Variants in ZSWIM5 observed in about 807,000 individuals in gnomAD.
The protein encoded by ZSWIM5 is zinc finger SWIM domain-containing protein 5.
ZSWIM5 carries 55 observed loss-of-function variants against 119.6 expected under a neutral mutation model. That is an observed-to-expected ratio of 0.46 (90% confidence interval 0.37 to 0.58). ZSWIM5 has a LOEUF of 0.58. ZSWIM5 is among the 20% of genes least tolerant of loss of function. ZSWIM5 has a pLI of 0.00. For missense variants in ZSWIM5, 1,193 were observed against 1,512.8 expected, an observed-to-expected ratio of 0.79 and a Z score of 3.51; for synonymous variants, 537 against 606.9, an observed-to-expected ratio of 0.88 and a Z score of 1.69.
chr1:45,121,282 A>T (rs1332761533), intron 1 of ZSWIM5, among the ~76,000 whole-genome samples: 1 of 151,748 alleles, frequency 6.6e-6, no homozygotes, highest in African/African-American at 2.4e-5. Context: ...TCTTTGGATT[A>T]TTTTTTCTCA....
At chr1:45,125,227 TAC>T (rs1645613637) in intron 1 of ZSWIM5, among the ~76,000 whole-genome samples, 1 of 152,144 alleles carries the variant, frequency 6.6e-6, no homozygotes, top group Admixed American at 6.5e-5. Context: ...ATGAAAATAA[TAC>T]AGAGTGTGTT....
rs758812657 is a variant in ZSWIM5 at position 45,087,887 on chromosome 1, C to T, written c.946G>A (p.Val316Met). The change falls in exon 2 of 14, where the codon GTG becomes ATG. Residue 316 changes from valine (V) to methionine (M), a missense_variant. Val to Met is a conservative substitution (Grantham distance 21). This residue lies in a region of ZSWIM5 where 961 missense variants were observed against 1,290.0 expected (regional missense o/e 0.74). Transcript: ENST00000359600. ...AAAAAAGTTGTACAATTACCATTCA[C>T]TTGGTTGATTTCTGAGTTGGAGGAT... ...ILSSNSEINQ[V>M]NGAPDPTAGA... 3.8e-6 allele frequency: 6 copies of T among 1,599,810 alleles called. No individual in the cohort carries two copies. The highest frequency in any genetic ancestry group is 5.1e-6 in the Non-Finnish European group (6 of 1,172,580).
At chr1:45,034,593 A>T (rs1383214131) in intron 10 of ZSWIM5, 124 bp from the exon 11 acceptor site, 19 of 1,205,974 alleles carry the variant, frequency 1.6e-5, no homozygotes, top group Admixed American at 2.7e-5. Flanking sequence ...AGAGCTTTGA[A>T]GGTTTTTAAA....
At chr1:45,101,355 C>T (rs574057949) in intron 1 of ZSWIM5, among the ~76,000 whole-genome samples, 3 of 152,140 alleles carry the variant, frequency 2.0e-5, no homozygotes, top group Non-Finnish European at 4.4e-5. Context: ...CCATCTCACA[C>T]CAGTTAGAAT....
At chr1:45,174,303 C>T (rs1420513331) in intron 1 of ZSWIM5, among the ~76,000 whole-genome samples, 1 of 151,734 alleles carries the variant, frequency 6.6e-6, no homozygotes, top group African/African-American at 2.4e-5. Context: ...TGAAATAAAA[C>T]TAAAACATTC....
At chr1:45,187,452 T>A (rs1388508787) in intron 1 of ZSWIM5, among the ~76,000 whole-genome samples, 9 of 151,382 alleles carry the variant, frequency 5.9e-5, no homozygotes, top group Admixed American at 5.9e-4. Flanking sequence ...AAATGAAACA[T>A]AAAACAAAAT....
chr1:45,067,391 G>T (rs1381641853), intron 2 of ZSWIM5, among the ~76,000 whole-genome samples: 2 of 151,026 alleles, frequency 1.3e-5, no homozygotes, highest in African/African-American at 4.9e-5. Flanking sequence ...AGTGAGCTGT[G>T]ATTGTGCCAC....
chr1:45,067,091 A>T (rs1645188200), intron 2 of ZSWIM5, among the ~76,000 whole-genome samples: 1 of 152,138 alleles, frequency 6.6e-6, no homozygotes, highest in African/African-American at 2.4e-5. Flanking sequence ...TGCCTTTATG[A>T]CATTAAATAG....
At chr1:45,134,131 T>C (rs1024097128) in intron 1 of ZSWIM5, among the ~76,000 whole-genome samples, 3 of 152,168 alleles carry the variant, frequency 2.0e-5, no homozygotes, top group Admixed American at 6.5e-5. Context: ...AAAGTAGTTT[T>C]TTCCAATTCT....
intron 8 of ZSWIM5, among the ~76,000 whole-genome samples, chr1:45,037,635 A>G (rs1644993314): frequency 6.6e-6 from 1 of 152,232 alleles, no homozygotes; most frequent in Non-Finnish European, 1.5e-5. Flanking sequence ...CCAAGATGTA[A>G]ATGTCACTGT....
At chr1:45,038,852 T>A (rs7543818) in intron 8 of ZSWIM5, 84 bp downstream of exon 8, 885,353 of 1,550,650 alleles carry the variant, frequency 0.57, 255,957 homozygotes, top group Middle Eastern at 0.66. Context: ...CACCTTGGCC[T>A]CCCAAAATGC....
intron 1 of ZSWIM5, among the ~76,000 whole-genome samples, chr1:45,110,071 T>A (rs1645507789): frequency 6.6e-6 from 1 of 152,154 alleles, no homozygotes; most frequent in Admixed American, 6.5e-5. Context: ...ATCACTATGT[T>A]GCCCAGGCTG....
intron 1 of ZSWIM5, among the ~76,000 whole-genome samples, chr1:45,097,346 C>G (rs150149556): frequency 6.6e-6 from 1 of 152,298 alleles, no homozygotes; most frequent in East Asian, 1.9e-4. Flanking sequence ...ATTCTATGTT[C>G]TTCATGGCTT....
intron 2 of ZSWIM5, chr1:45,070,109 C>T (rs747317004): frequency 1.7e-4 from 172 of 1,008,202 alleles, no homozygotes; most frequent in Non-Finnish European, 2.5e-4. Context: ...TTGGTGCATT[C>T]GATCAGTCCA....
At chr1:45,093,085 G>A (rs1368845713) in intron 1 of ZSWIM5, among the ~76,000 whole-genome samples, 1 of 152,290 alleles carries the variant, frequency 6.6e-6, no homozygotes, top group African/African-American at 2.4e-5. Flanking sequence ...ACTCTGCTAG[G>A]AAGTGACAAA....
chr1:45,140,633 T>C (rs1645720704), intron 1 of ZSWIM5, among the ~76,000 whole-genome samples: 1 of 152,108 alleles, frequency 6.6e-6, no homozygotes, highest in Non-Finnish European at 1.5e-5. Context: ...GCAGAAATTA[T>C]TACATTGGAT....
Position 45,074,286 on chromosome 1 carries a change from A to G in ZSWIM5, c.952+13595T>C, listed in dbSNP as rs983610890. On this transcript the variant is annotated intron_variant, in intron 2 of 13. Coordinates refer to ENST00000359600, the MANE Select transcript of ZSWIM5 (RefSeq NM_020883.2). ...AAGTATTTCTTCCTCCTCTATTTTC[A>G]GAATAGTTTGAATAAGATTGGTATT... Among the ~76,000 whole-genome samples, 10 of 151,838 alleles carry G rather than the reference A, an allele frequency of 6.6e-5. 1 individual carries two copies. Among genetic ancestry groups the G allele is most frequent in the African/African-American group, 2.4e-4 (10 of 41,182 alleles).
chr1:45,146,778 A>G (rs1645764468), intron 1 of ZSWIM5, among the ~76,000 whole-genome samples: 1 of 152,070 alleles, frequency 6.6e-6, no homozygotes. Context: ...TATAAGCTCC[A>G]TTGGCCAGCT....
intron 4 of ZSWIM5, among the ~76,000 whole-genome samples, chr1:45,053,235 T>A (rs1158143974): frequency 8.6e-5 from 13 of 152,042 alleles, no homozygotes. Context: ...TCATCTATAG[T>A]GTAGAAACAG....
Sources: gnomAD v4.1 joint callset for allele counts (sites outside exome capture counted in the v4.1 genomes callset) on GRCh38, gnomAD v4.1.1 for gene constraint, gnomAD v4.1.1 regional missense constraint, MANE v1.5 for transcripts, NCBI Gene and HGNC (gene_info 2026-07-23, HGNC 2026-07-21) for gene names.